Variants in STARD9 observed in about 807,000 individuals in gnomAD.
STARD9 encodes stAR-related lipid transfer protein 9.
STARD9 carries 346 observed loss-of-function variants against 399.8 expected under a neutral mutation model. The observed-to-expected ratio is 0.87, with a 90% confidence interval of 0.79 to 0.95. STARD9 has a LOEUF of 0.95. STARD9 is among the 40% of genes least tolerant of loss of function. STARD9 has a pLI of 0.00. For synonymous variants in STARD9, 2,203 were observed against 2,143.5 expected (o/e 1.03, Z -0.77); for missense variants, 5,832 against 5,667.5 (o/e 1.03, Z -0.93).
chr15:42,653,885 G>A (rs540889150), intron 9 of STARD9, among the ~76,000 whole-genome samples: 8 of 152,152 alleles, frequency 5.3e-5, no homozygotes, highest in Admixed American at 3.9e-4. Context: ...AACCACAATT[G>A]TAACAATGCA....
In STARD9 at chr15:42,609,304, C is replaced by G. The variant is rs141930037; in HGVS notation, c.234+23667C>G. On this transcript the variant is annotated intron_variant, in intron 3 of 32. Transcript: ENST00000290607. Reference sequence around the variant, plus strand: ...CGTGACCCAAGTCCTCTCTCTAACCCTGGCTTCTATTCATAACCCTAATGT... The same window carrying G: ...CGTGACCCAAGTCCTCTCTCTAACCGTGGCTTCTATTCATAACCCTAATGT... Among the ~76,000 whole-genome samples the G allele has an allele frequency of 6.7e-4, 102 of 152,344 alleles. 1 individual carries two copies. Among genetic ancestry groups the G allele is most frequent in the Middle Eastern group, 3.4e-3 (1 of 294 alleles).
Position 42,694,062 on chromosome 15 carries a change from G to A in STARD9, c.12484G>A (p.Glu4162Lys). The A allele has an allele frequency of 6.5e-7, 1 of 1,536,692 alleles. No individual in the cohort carries two copies. The highest frequency in any genetic ancestry group is 8.7e-7 in the Non-Finnish European group (1 of 1,146,720). ...SPGGLDMTEE[E>K]LGASGDLSSE... is the part of the protein sequence containing the mutation. ...TGGGGGGTTGGACATGACTGAGGAG[G>A]AGCTGGGGGCCAGCGGTGATCTCAG... Residue 4162 changes from glutamate to lysine, a missense_variant, in exon 23 of 33, where the codon GAG (glutamate) becomes AAG (lysine). Around this residue, in one of 2 missense-constraint regions of STARD9, gnomAD observed 5,828 missense variants for 5,651.1 expected, o/e 1.03. Transcript: ENST00000290607.
rs1401937496 is a variant in STARD9 at position 42,692,238 on chromosome 15, G to A, written c.10660G>A (p.Ala3554Thr). The A allele has an allele frequency of 3.9e-6, 6 of 1,536,890 alleles. No individual in the cohort carries two copies. The highest frequency in any genetic ancestry group is 5.2e-6 in the Non-Finnish European group (6 of 1,146,862). Residue 3554 changes from alanine (A) to threonine (T), a missense_variant, in exon 23 of 33, where the codon GCC becomes ACC. Transcript: ENST00000290607. ...STENAQGSNE[A>T]WEVFRGSSSI... ...TGAGAATGCCCAGGGTTCAAATGAG[G>A]CCTGGGAAGTATTCCGAGGGAGTTC...
Position 42,718,869 on chromosome 15 carries a change from G to A in STARD9, c.13960G>A (p.Val4654Met). Residue 4654 changes from valine (V) to methionine (M), a missense_variant, in exon 32 of 33, where the codon GTG becomes ATG. By Grantham distance (21) the Val-to-Met change is conservative. Around this residue, in one of 2 missense-constraint regions of STARD9, gnomAD observed 5,828 missense variants for 5,651.1 expected, o/e 1.03. Coordinates refer to ENST00000290607, the MANE Select transcript of STARD9 (RefSeq NM_020759.3). ...PSAWILQPIT[V>M]EGKEVTRVIY... ...TGCCTGGATCTTGCAGCCCATCACT[G>A]TGGAAGGGAAGGAAGTCACCAGAGT... The A allele has an allele frequency of 6.5e-7, 1 of 1,537,248 alleles. No individual in the cohort carries two copies.
At chr15:42,671,360 G>A (rs2060199116) in intron 16 of STARD9, 2 of 152,070 alleles carry the variant, frequency 1.3e-5, no homozygotes, top group Non-Finnish European at 1.5e-5. Flanking sequence ...TTTTACTTTT[G>A]TGCAGAGGGG....
intron 3 of STARD9, among the ~76,000 whole-genome samples, chr15:42,619,011 A>G (rs1363853995): frequency 6.6e-6 from 1 of 151,834 alleles, no homozygotes; most frequent in Non-Finnish European, 1.5e-5. Flanking sequence ...TCTTTATAAC[A>G]CATTTTGTTT....
In STARD9 at chr15:42,693,725, A is replaced by G; in HGVS notation, c.12147A>G (p.Pro4049=). 1 of 1,536,958 alleles carries G rather than the reference A, an allele frequency of 6.5e-7. No individual in the cohort carries two copies. Among genetic ancestry groups the G allele is most frequent in the Non-Finnish European group, 8.7e-7 (1 of 1,146,908 alleles). The change falls in exon 23 of 33, where the codon CCA becomes CCG. Residue 4049 remains proline, a synonymous_variant. Coordinates refer to ENST00000290607, the MANE Select transcript of STARD9 (RefSeq NM_020759.3). Reference sequence around the variant, plus strand: ...ATTGCCCACTGAGCGGTAGGGAGCCAAGTCAGTGGCAGAGCAGGACAGAAA... The same window carrying G: ...ATTGCCCACTGAGCGGTAGGGAGCCGAGTCAGTGGCAGAGCAGGACAGAAA... ...PEHCPLSGRE[P]SQWQSRTENG... is the part of the protein sequence containing the mutation.
At chr15:42,618,315 T>C (rs2059014367) in intron 3 of STARD9, among the ~76,000 whole-genome samples, 1 of 151,850 alleles carries the variant, frequency 6.6e-6, no homozygotes, top group Non-Finnish European at 1.5e-5. Context: ...GTATTTTTTG[T>C]AGAGATGGGG....
At chr15:42,695,363 G>A in intron 25 of STARD9, 40 bp downstream of exon 25, 1 of 1,488,314 alleles carries the variant, frequency 6.7e-7, no homozygotes, top group Non-Finnish European at 9.0e-7. Flanking sequence ...GGATAGGCCT[G>A]GACCTCAGAC....
intron 3 of STARD9, among the ~76,000 whole-genome samples, chr15:42,590,757 C>CGA (rs61291485): frequency 0.059 from 8,890 of 151,638 alleles, 380 homozygotes; most frequent in Non-Finnish European, 0.09. Flanking sequence ...CTTGTCACAG[C>CGA]GAGAGAGAGA....
At position 42,660,153 on chromosome 15, in the gene STARD9, A is replaced by G. The variant is rs552656522; in HGVS notation, c.703-1005A>G. On this transcript the variant is annotated intron_variant, in intron 9 of 32. Transcript: ENST00000290607. Reference sequence around the variant, plus strand: ...ATTCTGAAAAGGTAGACTTACAGACATAGAAAGTTAAGTGATTGCTTCAAG... The same window carrying G: ...ATTCTGAAAAGGTAGACTTACAGACGTAGAAAGTTAAGTGATTGCTTCAAG... Among the ~76,000 whole-genome samples, 16 of 152,352 alleles carry G rather than the reference A, an allele frequency of 1.1e-4. No individual in the cohort carries two copies. In the South Asian group the frequency reaches 2.9e-3, roughly 28 times the overall value.
chr15:42,719,630 A>G lies in STARD9; in HGVS notation c.*56A>G, dbSNP rs1396191770. ...TGCAGGCCCAGGCTGCTCAAGAGAGACACTGTGGCAGCTCCTTGTTACTTT... is the reference window on the plus strand; with the variant it reads ...TGCAGGCCCAGGCTGCTCAAGAGAGGCACTGTGGCAGCTCCTTGTTACTTT... On this transcript the variant is annotated 3_prime_UTR_variant, in exon 33 of 33. Transcript: ENST00000290607. 2 of 1,126,128 alleles carry G rather than the reference A, an allele frequency of 1.8e-6. No homozygotes were observed. The highest frequency in any genetic ancestry group is 2.6e-6 in the Non-Finnish European group (2 of 780,350). 69.8% of individuals were successfully genotyped at this position (1,126,128 alleles called of 1,614,324 possible).
At chr15:42,708,452 C>G (rs1464101040) in intron 26 of STARD9, among the ~76,000 whole-genome samples, 1 of 152,140 alleles carries the variant, frequency 6.6e-6, no homozygotes, top group African/African-American at 2.4e-5. Context: ...CTCAAATGGC[C>G]CACAAAGCCT....
At chr15:42,639,863 CAA>C (rs964883921) in intron 7 of STARD9, among the ~76,000 whole-genome samples, 29 of 113,564 alleles carry the variant, frequency 2.6e-4, no homozygotes, top group Admixed American at 2.8e-4. Flanking sequence ...GACGCCATCT[CAA>C]AAAAAAAAAA....
intron 3 of STARD9, among the ~76,000 whole-genome samples, chr15:42,627,272 G>A (rs2059244937): frequency 6.6e-6 from 1 of 152,034 alleles, no homozygotes; most frequent in Non-Finnish European, 1.5e-5. Flanking sequence ...CTCTAGCCTG[G>A]GCAGCAGAGG....
rs1310209697 is a variant in STARD9 at position 42,606,533 on chromosome 15, G to T, written c.234+20896G>T. ...TGCAGTGGTGTGATCTCAGGTCACT[G>T]CAACCTTCACCTCCTGGGCTCAAGC... On this transcript the variant is annotated intron_variant, in intron 3 of 32. Transcript: ENST00000290607. Among the ~76,000 whole-genome samples the T allele has an allele frequency of 2.0e-5, 3 of 152,038 alleles. No individual in the cohort carries two copies. In the East Asian group the frequency reaches 5.8e-4, roughly 29 times the overall value.
intron 9 of STARD9, among the ~76,000 whole-genome samples, chr15:42,653,172 C>T (rs1435553044): frequency 1.3e-5 from 2 of 152,070 alleles, no homozygotes; most frequent in Non-Finnish European, 2.9e-5. Context: ...TCGGTGTGAT[C>T]AGTATGGACA....
chr15:42,700,866 T>G (rs896043817), intron 26 of STARD9, among the ~76,000 whole-genome samples: 1 of 152,218 alleles, frequency 6.6e-6, no homozygotes, highest in Non-Finnish European at 1.5e-5. Context: ...ATAAAGCATT[T>G]CTCCTATGTT....
In STARD9 at chr15:42,580,927, C is replaced by T. The variant is rs1388552623; in HGVS notation, c.48-2419C>T. Among the ~76,000 whole-genome samples, 4 of 152,282 alleles carry T rather than the reference C, an allele frequency of 2.6e-5. No homozygotes were observed. The South Asian group carries it at 6.2e-4, about 24-fold the overall frequency. On this transcript the variant is annotated intron_variant, in intron 1 of 32. Transcript: ENST00000290607. Reference sequence around the variant, plus strand: ...TAACTTGTTTAACTGGGAAGGGGGACAGGAGACAGGGAGAAGAAATGGTCA... The same window carrying T: ...TAACTTGTTTAACTGGGAAGGGGGATAGGAGACAGGGAGAAGAAATGGTCA...
Sources: allele counts gnomAD v4.1 joint callset (sites outside exome capture counted in the v4.1 genomes callset), GRCh38; gene constraint gnomAD v4.1.1; regional missense constraint gnomAD v4.1.1; transcripts MANE v1.5; gene names NCBI Gene and HGNC (gene_info 2026-07-23, HGNC 2026-07-21).